The following ADGRB1 variants were observed in gnomAD, a reference collection of about 807,000 sequenced individuals.
ADGRB1 encodes adhesion G protein-coupled receptor B1.
In ADGRB1, 36 loss-of-function variants were observed where a neutral mutation model predicts 175.7. The observed-to-expected ratio is 0.20, with a 90% CI of 0.16 to 0.27. ADGRB1 has a LOEUF of 0.27. ADGRB1 is among the 10% of genes least tolerant of loss of function. The pLI, the probability that ADGRB1 is intolerant of heterozygous loss-of-function variation, is 1.00. For missense variants in ADGRB1, 1,731 were observed against 2,255.3 expected (o/e 0.77, Z 4.71); for synonymous variants, 1,054 against 979.4 (o/e 1.08, Z -1.42).
chr8:142,542,321 C>G lies in ADGRB1; in HGVS notation c.4087C>G (p.Pro1363Ala). Reference sequence around the variant, plus strand: ...GCTGCGGCCCAAGCCCAAGGAGGAGCCCAAGTACAGCATCCACATTGACCA... The same window carrying G: ...GCTGCGGCCCAAGCCCAAGGAGGAGGCCAAGTACAGCATCCACATTGACCA... ...ATLRPKPKEE[P>A]KYSIHIDQMP... Residue 1363 changes from proline (P) to alanine (A), a missense_variant, in exon 28 of 31, where the codon CCC (proline) becomes GCC (alanine). This residue lies in a region of ADGRB1 where 394 missense variants were observed against 410.2 expected (regional missense o/e 0.96). Coordinates refer to ENST00000517894, the MANE Select transcript of ADGRB1 (RefSeq NM_001702.3). This position sits in a 1 kb window ranked among gnomAD's most constrained non-coding sequence, Gnocchi z 6.3. 6.2e-7 allele frequency: 1 copy of G among 1,612,634 alleles called. No individual in the cohort carries two copies.
chr8:142,481,437 C>T (rs961947055), intron 10 of ADGRB1, 77 bp downstream of exon 10: 27 of 1,594,790 alleles, frequency 1.7e-5, no homozygotes, highest in Non-Finnish European at 2.2e-5. Flanking sequence ...TGCAGAGGGT[C>T]CTAGGCATGG....
chr8:142,521,455 C>T (rs1843843757), intron 20 of ADGRB1, among the ~76,000 whole-genome samples: 1 of 152,232 alleles, frequency 6.6e-6, no homozygotes, highest in Non-Finnish European at 1.5e-5. Flanking sequence ...CTGGGGGCCT[C>T]TGCTTCCTCA....
intron 18 of ADGRB1, among the ~76,000 whole-genome samples, chr8:142,517,143 G>A (rs972118955): frequency 4.6e-5 from 7 of 152,134 alleles, no homozygotes; most frequent in Non-Finnish European, 5.9e-5. Flanking sequence ...TGGGGGGCTC[G>A]GGACATTCTT....
At chr8:142,500,111 A>G (rs976505376) in intron 17 of ADGRB1, among the ~76,000 whole-genome samples, 19 of 151,928 alleles carry the variant, frequency 1.3e-4, no homozygotes, top group African/African-American at 4.4e-4. Flanking sequence ...CGTTCCTCAC[A>G]ATGCAAGACG....
At chr8:142,468,115 G>A (rs1840380532) in intron 2 of ADGRB1, among the ~76,000 whole-genome samples, 1 of 152,212 alleles carries the variant, frequency 6.6e-6, no homozygotes, top group Admixed American at 6.5e-5. Flanking sequence ...GCGTGTGCAA[G>A]TGTGGCATGT....
At chr8:142,521,625 A>G (rs1843854679) in intron 20 of ADGRB1, among the ~76,000 whole-genome samples, 1 of 152,238 alleles carries the variant, frequency 6.6e-6, no homozygotes, top group Non-Finnish European at 1.5e-5. Flanking sequence ...TTGGGGCGTG[A>G]CGTGCCCTCC....
In ADGRB1 at chr8:142,542,630, T is replaced by C; in HGVS notation, c.4396T>C (p.Ser1466Pro). The change falls in exon 28 of 31, where the codon TCT becomes CCT. Residue 1466 changes from serine to proline, a missense_variant. Ser to Pro is a moderately conservative substitution (Grantham distance 74). Around this residue, in one of 8 missense-constraint regions of ADGRB1, gnomAD observed 394 missense variants for 410.2 expected, o/e 0.96. Coordinates refer to ENST00000517894, the MANE Select transcript of ADGRB1 (RefSeq NM_001702.3). This position sits in a 1 kb window ranked among gnomAD's most constrained non-coding sequence, Gnocchi z 6.3. The stretch of plus-strand genomic sequence containing the variant: ...CAAGAACGAGAATGTCGCCACCTTG[T>C]CTGTGAGCTCCCTGGAGGTGAGGGG... ...STKNENVATL[S>P]VSSLERRKSR... 1 of 1,550,070 alleles carries C rather than the reference T, an allele frequency of 6.5e-7. No homozygotes were observed. Among genetic ancestry groups the C allele is most frequent in the Non-Finnish European group, 8.7e-7 (1 of 1,148,228 alleles).
chr8:142,463,544 G>A (rs1328606583), intron 1 of ADGRB1, among the ~76,000 whole-genome samples: 1 of 152,212 alleles, frequency 6.6e-6, no homozygotes, highest in Non-Finnish European at 1.5e-5. Flanking sequence ...AGGGACCAAG[G>A]TCAGCAGGAA....
In ADGRB1 at chr8:142,542,965, A is replaced by C. The variant is rs1452425529; in HGVS notation, c.4413+318A>C. Among the ~76,000 whole-genome samples, 2 of 152,130 alleles carry C rather than the reference A, an allele frequency of 1.3e-5. No individual in the cohort carries two copies. The highest frequency in any genetic ancestry group is 1.3e-4 in the Admixed American group (2 of 15,292). ...GCAGCCTGGCAGCACATACCTGCCT[A>C]GGTCAGCCTGGAGCCTGCAGCTGAC... On this transcript the variant is annotated intron_variant, in intron 28 of 30. Coordinates refer to ENST00000517894, the MANE Select transcript of ADGRB1 (RefSeq NM_001702.3). The surrounding 1 kb of genome is among the most constrained non-coding windows in gnomAD (Gnocchi z 6.3).
In ADGRB1 at chr8:142,520,996, C is replaced by T. The variant is rs1427630130; in HGVS notation, c.3024+71C>T. ...TGGTGAGGATGGACCCCAGGAGGGG[C>T]CTGGACCGTGGGATCCCTGGGAAAC... On this transcript the variant is annotated intron_variant, in intron 20 of 30. Coordinates refer to ENST00000517894, the MANE Select transcript of ADGRB1 (RefSeq NM_001702.3). 6 of 1,449,474 alleles carry T rather than the reference C, an allele frequency of 4.1e-6. No individual in the cohort carries two copies. In the Admixed American group the frequency reaches 5.4e-5, roughly 13 times the overall value. The allele number at this position is 1,449,474 out of a possible 1,614,324, so 89.8% of individuals were successfully genotyped here.
At chr8:142,515,921 T>A (rs1416645817) in intron 18 of ADGRB1, among the ~76,000 whole-genome samples, 1 of 152,300 alleles carries the variant, frequency 6.6e-6, no homozygotes, top group East Asian at 1.9e-4. Flanking sequence ...AGAGCGTAGT[T>A]TGGACAACAG....
chr8:142,532,199 C>G (rs1844660160), intron 24 of ADGRB1, among the ~76,000 whole-genome samples: 1 of 152,188 alleles, frequency 6.6e-6, no homozygotes. Context: ...TGATGACAGT[C>G]CTGCGGGCTG....
chr8:142,465,054 C>A (rs1268271139), intron 2 of ADGRB1, 72 bp downstream of exon 2: 2 of 207,608 alleles, frequency 9.6e-6, no homozygotes, highest in Non-Finnish European at 1.5e-5. Context: ...ACAGGGGAGG[C>A]GGGCGGATGG....
chr8:142,508,181 G>A (rs1240031320), intron 17 of ADGRB1, among the ~76,000 whole-genome samples: 1 of 152,144 alleles, frequency 6.6e-6, no homozygotes, highest in Non-Finnish European at 1.5e-5. Flanking sequence ...AATAAACTCA[G>A]CCAATGCAGG....
In ADGRB1 at chr8:142,476,593, C is replaced by T. The variant is rs1173345403; in HGVS notation, c.955C>T (p.Arg319Cys). The T allele has an allele frequency of 5.2e-6, 8 of 1,548,630 alleles. No individual in the cohort carries two copies. Among genetic ancestry groups the T allele is most frequent in the South Asian group, 1.2e-5 (1 of 84,012 alleles). ...CTAAGCCCGTCCTGCAGCCGCTGGG[C>T]GCACCAGCTCCCGGAGCCAGTCCCT... ...CNREACGPAGRTSSRSQSLRS... is the reference protein window; with the variant it reads ...CNREACGPAGCTSSRSQSLRS... Residue 319 changes from arginine (R) to cysteine (C), a missense_variant, in exon 4 of 31, where the codon CGC (arginine) becomes TGC (cysteine). By Grantham distance (180) the Arg-to-Cys change is radical. This residue lies in a region of ADGRB1 where 178 missense variants were observed against 227.8 expected (regional missense o/e 0.78). Coordinates refer to ENST00000517894, the MANE Select transcript of ADGRB1 (RefSeq NM_001702.3).
chr8:142,469,173 A>ATATC (rs1840450715), intron 2 of ADGRB1, among the ~76,000 whole-genome samples: 1 of 138,692 alleles, frequency 7.2e-6, no homozygotes, highest in Non-Finnish European at 1.6e-5. Context: ...GTGTGTGTGC[A>ATATC]TGTGTGTGAA....
intron 16 of ADGRB1, among the ~76,000 whole-genome samples, chr8:142,490,376 G>A (rs77387024): frequency 0.044 from 6,624 of 152,272 alleles, 200 homozygotes; most frequent in Non-Finnish European, 0.065. Flanking sequence ...CTAGCAGGAC[G>A]TCAGAGCAGT....
At chr8:142,463,570 G>A (rs571194682) in intron 1 of ADGRB1, among the ~76,000 whole-genome samples, 1 of 152,362 alleles carries the variant, frequency 6.6e-6, no homozygotes, top group East Asian at 1.9e-4. Flanking sequence ...GAGCCTGAGA[G>A]AGCTACACCC....
At chr8:142,488,555 C>T in intron 14 of ADGRB1, 48 bp downstream of exon 14, 1 of 1,599,920 alleles carries the variant, frequency 6.3e-7, no homozygotes, top group Non-Finnish European at 8.5e-7. Flanking sequence ...GGACGTGGGC[C>T]CCAGAGTCGG....
Sources: allele counts gnomAD v4.1 joint callset (sites outside exome capture counted in the v4.1 genomes callset), GRCh38; gene constraint gnomAD v4.1.1; regional missense constraint gnomAD v4.1.1; non-coding constraint Gnocchi (gnomAD v3.1); transcripts MANE v1.5; gene names NCBI Gene and HGNC (gene_info 2026-07-23, HGNC 2026-07-21).